DNAH11: variants seen among roughly 807,000 people sequenced by gnomAD.
DNAH11 encodes the protein dynein axonemal heavy chain 11.
Under a neutral mutation model 526.0 loss-of-function variants are expected in DNAH11, and 442 were observed. The ratio of observed to expected loss-of-function variants is 0.84; its 90% confidence interval spans 0.78 to 0.91. The LOEUF is 0.91. DNAH11 is among the 40% of genes least tolerant of loss of function. The pLI, the probability that DNAH11 is intolerant of heterozygous loss-of-function variation, is 0.00. For synonymous variants in DNAH11, 2,461 were observed against 1,935.9 expected (o/e 1.27, Z -7.12); for missense variants, 6,989 against 5,448.7 (o/e 1.28, Z -8.90).
At chr7:21,639,287 G>C (rs577871457) in intron 28 of DNAH11, among the ~76,000 whole-genome samples, 1 of 152,304 alleles carries the variant, frequency 6.6e-6, no homozygotes, top group Admixed American at 6.5e-5. Context: ...TATATTCAGT[G>C]TGTAAGGCTT....
intron 35 of DNAH11, among the ~76,000 whole-genome samples, chr7:21,695,909 A>T (rs1429955010): frequency 6.6e-6 from 1 of 152,196 alleles, no homozygotes; most frequent in South Asian, 2.1e-4. Context: ...AAACCCATCA[A>T]AAAGTGGGCA....
At chr7:21,593,899 A>G (rs1256471334) in intron 14 of DNAH11, among the ~76,000 whole-genome samples, 1 of 151,088 alleles carries the variant, frequency 6.6e-6, no homozygotes, top group African/African-American at 2.4e-5. Context: ...CTCCCCCCAG[A>G]CACAAAATCT....
intron 18 of DNAH11, among the ~76,000 whole-genome samples, chr7:21,604,289 C>T (rs1785201065): frequency 1.3e-5 from 2 of 152,182 alleles, no homozygotes; most frequent in South Asian, 4.1e-4. Context: ...CTTTTCACTG[C>T]TGTTAACACC....
chr7:21,864,769 C>A, intron 70 of DNAH11, 112 bp downstream of exon 70: 1 of 1,085,292 alleles, frequency 9.2e-7, no homozygotes, highest in Admixed American at 2.8e-5. Context: ...AGCACCATTT[C>A]AGTTGTAGAA....
intron 30 of DNAH11, among the ~76,000 whole-genome samples, chr7:21,661,036 T>A (rs1395327617): frequency 6.6e-6 from 1 of 152,146 alleles, no homozygotes; most frequent in Non-Finnish European, 1.5e-5. Context: ...GTTCTGTGAT[T>A]CTAGCAGCGA....
At chr7:21,886,628 C>T (rs1422332260) in intron 76 of DNAH11, among the ~76,000 whole-genome samples, 2 of 151,508 alleles carry the variant, frequency 1.3e-5, no homozygotes, top group Non-Finnish European at 2.9e-5. Context: ...CTGATTTCTC[C>T]GAATGATGGT....
intron 44 of DNAH11, 39 bp downstream of exon 44, chr7:21,720,895 T>G (rs2128483931): frequency 6.2e-7 from 1 of 1,601,600 alleles, no homozygotes; most frequent in Non-Finnish European, 8.5e-7. Context: ...GTTTCCAGTT[T>G]TGTGTGGGAC....
intron 25 of DNAH11, among the ~76,000 whole-genome samples, chr7:21,625,845 T>A (rs1289167585): frequency 6.6e-6 from 1 of 152,194 alleles, no homozygotes; most frequent in African/African-American, 2.4e-5. Flanking sequence ...TTTATGCCAC[T>A]GTGATTGGAA....
At chr7:21,627,972 C>G (rs1429427087) in intron 25 of DNAH11, among the ~76,000 whole-genome samples, 2 of 151,820 alleles carry the variant, frequency 1.3e-5, no homozygotes, top group Non-Finnish European at 2.9e-5. Context: ...TAATGTTTCT[C>G]ATATAGAAAC....
intron 19 of DNAH11, 21 bp from the exon 20 acceptor site, chr7:21,606,615 CTTTTTTTTTTT>C: frequency 8.4e-7 from 1 of 1,195,030 alleles, no homozygotes; most frequent in Non-Finnish European, 1.1e-6. Flanking sequence ...TTGAAATTCA[CTTTTTTTTTTT>C]TTTTTTTTTG....
chr7:21,691,718 T>C (rs1480934509), intron 35 of DNAH11, among the ~76,000 whole-genome samples: 1 of 152,220 alleles, frequency 6.6e-6, no homozygotes, highest in Non-Finnish European at 1.5e-5. Context: ...ACATATTTTA[T>C]CATATTATTA....
chr7:21,622,180 C>A (rs1271143912), intron 25 of DNAH11, among the ~76,000 whole-genome samples: 4 of 152,126 alleles, frequency 2.6e-5, no homozygotes, highest in Non-Finnish European at 5.9e-5. Flanking sequence ...CAATAACAGA[C>A]AAACAGAGAG....
chr7:21,702,884 G>A lies in DNAH11; in HGVS notation c.6273+82G>A, dbSNP rs1014464386. On this transcript the variant is annotated intron_variant, in intron 37 of 81. Coordinates refer to ENST00000409508, the MANE Select transcript of DNAH11 (RefSeq NM_001277115.2). ...TGAAAGTATATGCCTGGATGGTGGG[G>A]CATGGACAGCACAACTTTTAAAAAG... 37 of 1,177,228 alleles carry A rather than the reference G, an allele frequency of 3.1e-5. No homozygotes were observed. In the Admixed American group the frequency reaches 6.3e-4, roughly 20 times the overall value. The allele number at this position is 1,177,228 out of a possible 1,614,324, so 72.9% of individuals were successfully genotyped here.
At chr7:21,727,090 C>T (rs947474919) in intron 45 of DNAH11, among the ~76,000 whole-genome samples, 1 of 150,610 alleles carries the variant, frequency 6.6e-6, no homozygotes, top group Admixed American at 6.6e-5. Context: ...CCCGCCACCA[C>T]GCCCGGCTAA....
chr7:21,873,327 A>G lies in DNAH11; in HGVS notation c.12021A>G (p.Arg4007=), dbSNP rs372349151. 4 of 1,610,872 alleles carry G rather than the reference A, an allele frequency of 2.5e-6. No homozygotes were observed. Among genetic ancestry groups the G allele is most frequent in the Non-Finnish European group, 3.4e-6 (4 of 1,178,464 alleles). Residue 4007 remains arginine, a synonymous_variant, in exon 74 of 82, where the codon AGA becomes AGG. Coordinates refer to ENST00000409508, the MANE Select transcript of DNAH11 (RefSeq NM_001277115.2). The stretch of plus-strand genomic sequence containing the variant: ...GAACCTTGGAGAAGCTCCTTGAAAG[A>G]TTCAGCCAAGGAAGCCACAGAGATT... ...WLGTLEKLLE[R]FSQGSHRDYR...
chr7:21,748,460 G>A, intron 51 of DNAH11, 120 bp from the exon 52 acceptor site: 1 of 1,162,810 alleles, frequency 8.6e-7, no homozygotes, highest in Non-Finnish European at 1.1e-6. Context: ...CTGCACTCCG[G>A]CCTGGGCAAC....
chr7:21,761,033 T>G (rs1036850138), intron 54 of DNAH11, among the ~76,000 whole-genome samples: 3 of 152,226 alleles, frequency 2.0e-5, no homozygotes, highest in Non-Finnish European at 4.4e-5. Flanking sequence ...TGGAATGATT[T>G]TTCCCTCACA....
intron 54 of DNAH11, among the ~76,000 whole-genome samples, chr7:21,763,582 GA>G (rs908593364): frequency 4.6e-4 from 69 of 151,476 alleles, no homozygotes; most frequent in African/African-American, 1.6e-3. Context: ...AACTACTATG[GA>G]AAACAGTATG....
At chr7:21,721,722 T>C (rs1299078914) in intron 44 of DNAH11, among the ~76,000 whole-genome samples, 2 of 152,088 alleles carry the variant, frequency 1.3e-5, no homozygotes, top group Non-Finnish European at 2.9e-5. Flanking sequence ...CCACCAAATA[T>C]CATCACACTG....
Sources: allele counts gnomAD v4.1 joint callset (sites outside exome capture counted in the v4.1 genomes callset), GRCh38; gene constraint gnomAD v4.1.1; transcripts MANE v1.5; gene names NCBI Gene and HGNC (gene_info 2026-07-23, HGNC 2026-07-21).